Variants in NDUFS4 observed in about 807,000 individuals in gnomAD.
The protein encoded by NDUFS4 is NADH:ubiquinone oxidoreductase subunit S4.
In NDUFS4, 28 loss-of-function variants were observed where a neutral mutation model predicts 24.3. The ratio of observed to expected loss-of-function variants is 1.15; its 90% confidence interval spans 0.85 to 1.58. The LOEUF (loss-of-function observed/expected upper bound fraction) is 1.58, where lower values mean the gene tolerates loss of function less well. Among genes scored for constraint, NDUFS4 ranks in the 40% most tolerant of loss-of-function variants. NDUFS4 has a pLI of 0.00. For missense variants in NDUFS4, 223 were observed against 207.9 expected (o/e 1.07, Z -0.45); for synonymous variants, 93 against 69.7 (o/e 1.34, Z -1.67).
intron 1 of NDUFS4, among the ~76,000 whole-genome samples, chr5:53,581,073 T>C (rs1181364548): frequency 2.0e-5 from 3 of 152,156 alleles, no homozygotes; most frequent in Non-Finnish European, 4.4e-5. Context: ...CCTCAGGTGA[T>C]CTGCTTGCCT....
chr5:53,626,117 A>T (rs1751215540), intron 2 of NDUFS4, among the ~76,000 whole-genome samples: 1 of 152,016 alleles, frequency 6.6e-6, no homozygotes. Flanking sequence ...ACTCCCACTT[A>T]TGAGTGAGAA....
intron 2 of NDUFS4, among the ~76,000 whole-genome samples, chr5:53,626,292 G>A (rs1751222824): frequency 6.6e-6 from 1 of 152,100 alleles, no homozygotes; most frequent in Admixed American, 6.5e-5. Flanking sequence ...ATCATTGATG[G>A]GCATTTGGGT....
At position 53,560,886 on chromosome 5, in the gene NDUFS4, A is replaced by G. The variant is rs1532163; in HGVS notation, c.98+126A>G. The G allele has an allele frequency of 0.77, 1,193,254 of 1,546,134 alleles. 461,525 individuals carry two copies. Among genetic ancestry groups the G allele is most frequent in the African/African-American group, 0.87 (64,194 of 73,562 alleles). ...CTCTGTTGACCCTTTTCTCGGGAGA[A>G]GTCGGGCGGACTAGGGACTGTCTGC... On this transcript the variant is annotated intron_variant, in intron 1 of 4. Coordinates refer to ENST00000296684, the MANE Select transcript of NDUFS4 (RefSeq NM_002495.4).
At chr5:53,614,991 T>C (rs1416274716) in intron 2 of NDUFS4, among the ~76,000 whole-genome samples, 1 of 151,948 alleles carries the variant, frequency 6.6e-6, no homozygotes, top group Non-Finnish European at 1.5e-5. Context: ...GTATGTTATC[T>C]CCTTGAAAAT....
At chr5:53,578,304 T>A (rs1749451291) in intron 1 of NDUFS4, among the ~76,000 whole-genome samples, 1 of 152,228 alleles carries the variant, frequency 6.6e-6, no homozygotes, top group Non-Finnish European at 1.5e-5. Context: ...GTTCTAGATT[T>A]AGTTTTTTGG....
intron 2 of NDUFS4, among the ~76,000 whole-genome samples, chr5:53,644,101 T>A (rs1219425367): frequency 1.3e-5 from 2 of 152,282 alleles, no homozygotes; most frequent in Middle Eastern, 3.4e-3. Context: ...CTATTTCAAT[T>A]TTTTTCAAAA....
chr5:53,670,621 T>TTATA lies in NDUFS4; in HGVS notation c.424+12011_424+12014dup, dbSNP rs140428140. On this transcript the variant is annotated intron_variant, in intron 4 of 4. Transcript: ENST00000296684. ...TATTTGGCAATATACAGGGTATACA[T>TTATA]TATATATATATATATATTCTATGTA... 1.3e-3 allele frequency among the ~76,000 whole-genome samples: 190 copies of TTATA among 148,218 alleles called. 1 individual carries two copies. Among genetic ancestry groups the TTATA allele is most frequent in the Middle Eastern group, 7.2e-3 (2 of 278 alleles).
chr5:53,610,617 G>A (rs1750664870), intron 2 of NDUFS4, among the ~76,000 whole-genome samples: 1 of 152,138 alleles, frequency 6.6e-6, no homozygotes, highest in Non-Finnish European at 1.5e-5. Context: ...AGGTATGCCT[G>A]TATCTTTTAT....
chr5:53,655,753 T>C (rs1752143123), intron 3 of NDUFS4, among the ~76,000 whole-genome samples: 1 of 152,194 alleles, frequency 6.6e-6, no homozygotes, highest in African/African-American at 2.4e-5. Context: ...CTTGAACTTG[T>C]GGAGGATTAT....
At chr5:53,586,072 T>C (rs1482691675) in intron 1 of NDUFS4, among the ~76,000 whole-genome samples, 2 of 152,086 alleles carry the variant, frequency 1.3e-5, no homozygotes, top group South Asian at 2.1e-4. Context: ...CTCACGTCTG[T>C]AATCCCAGCA....
At chr5:53,591,931 G>A (rs565331426) in intron 1 of NDUFS4, among the ~76,000 whole-genome samples, 22 of 151,668 alleles carry the variant, frequency 1.5e-4, no homozygotes, top group Non-Finnish European at 2.5e-4. Context: ...TCTTATTGAT[G>A]AGTTTTGTTG....
chr5:53,572,353 G>C (rs2112415786), intron 1 of NDUFS4, among the ~76,000 whole-genome samples: 1 of 152,216 alleles, frequency 6.6e-6, no homozygotes, highest in African/African-American at 2.4e-5. Flanking sequence ...GAAGGGATGG[G>C]GGAAGAAGGT....
chr5:53,584,568 G>T (rs1268778283), intron 1 of NDUFS4, among the ~76,000 whole-genome samples: 1 of 151,972 alleles, frequency 6.6e-6, no homozygotes, highest in African/African-American at 2.4e-5. Flanking sequence ...TTGAACTCCC[G>T]ACCTCAGGTG....
intron 4 of NDUFS4, among the ~76,000 whole-genome samples, chr5:53,680,392 C>CGTAT (rs1169005049): frequency 1.3e-5 from 2 of 152,126 alleles, no homozygotes; most frequent in Non-Finnish European, 2.9e-5. Context: ...CACATGCACA[C>CGTAT]GTATGTTTAC....
intron 2 of NDUFS4, among the ~76,000 whole-genome samples, chr5:53,619,195 G>A (rs1226969185): frequency 6.6e-6 from 1 of 150,738 alleles, no homozygotes; most frequent in Non-Finnish European, 1.5e-5. Context: ...TAGAGGCCGG[G>A]CACGGTGGCT....
intron 1 of NDUFS4, among the ~76,000 whole-genome samples, chr5:53,581,755 C>T (rs539298129): frequency 6.6e-6 from 1 of 152,234 alleles, no homozygotes; most frequent in South Asian, 2.1e-4. Context: ...TTAGAGCTCC[C>T]TCTCTTACCT....
rs1363991969 is a variant in NDUFS4 at position 53,658,629 on chromosome 5, G to C, written c.424+5G>C. On this transcript the variant is annotated splice_donor_5th_base_variant and intron_variant, in intron 4 of 4. Transcript: ENST00000296684. The stretch of plus-strand genomic sequence containing the variant: ...TTTCCTTTGCAGAAAAAAATGGTAT[G>C]TTTGGTCTGTTTTTGACAAAGTCAA... 1 of 1,602,890 alleles carries C rather than the reference G, an allele frequency of 6.2e-7. No individual in the cohort carries two copies. The highest frequency in any genetic ancestry group is 8.5e-7 in the Non-Finnish European group (1 of 1,172,490).
chr5:53,561,425 C>A lies in NDUFS4; in HGVS notation c.98+665C>A, dbSNP rs114542328. On this transcript the variant is annotated intron_variant, in intron 1 of 4. Transcript: ENST00000296684. ...GAGGGCTCTTTGCGTCCTTGAGAAC[C>A]TAAAGTAGTACTTTTCCAAAGTATT... Among the ~76,000 whole-genome samples, 746 of 151,916 alleles carry A rather than the reference C, an allele frequency of 4.9e-3. 8 individuals are homozygous for A. Among genetic ancestry groups the A allele is most frequent in the African/African-American group, 0.017 (714 of 41,450 alleles).
At chr5:53,649,070 T>G (rs1019562102) in intron 3 of NDUFS4, among the ~76,000 whole-genome samples, 2 of 152,228 alleles carry the variant, frequency 1.3e-5, no homozygotes, top group African/African-American at 4.8e-5. Context: ...TACTTTTCCT[T>G]ATATCAGAAA....
Sources: gnomAD v4.1 joint callset for allele counts (sites outside exome capture counted in the v4.1 genomes callset) on GRCh38, gnomAD v4.1.1 for gene constraint, MANE v1.5 for transcripts, NCBI Gene and HGNC (gene_info 2026-07-23, HGNC 2026-07-21) for gene names.